Variants in PTPRN2 observed in about 807,000 individuals in gnomAD.
PTPRN2 encodes protein tyrosine phosphatase receptor type N2, also known as receptor-type tyrosine-protein phosphatase N2.
In PTPRN2, 74 loss-of-function variants were observed where a neutral mutation model predicts 118.8. The ratio of observed to expected loss-of-function variants is 0.62; its 90% confidence interval spans 0.52 to 0.76. The LOEUF is 0.76. Ranked by LOEUF, PTPRN2 falls within the 30% of genes least tolerant of loss-of-function variation. PTPRN2 has a pLI of 0.00. For missense variants in PTPRN2, 1,481 were observed against 1,394.4 expected, an observed-to-expected ratio of 1.06 and a Z score of -0.99; for synonymous variants, 641 against 608.0, an observed-to-expected ratio of 1.05 and a Z score of -0.80.
Position 158,143,491 on chromosome 7 carries a change from C to A in PTPRN2, c.911-4976G>T, listed in dbSNP as rs1297608057. On this transcript the variant is annotated intron_variant, in intron 6 of 22. Transcript: ENST00000389418. ...TAGCCAAGATGTGTGTCAGAGTCGG[C>A]CCGGCCATAGCTCACGGTGGACACC... is the stretch of plus-strand genomic sequence containing the variant. Among the ~76,000 whole-genome samples the A allele has an allele frequency of 3.9e-5, 6 of 152,182 alleles. No homozygotes were observed. In the South Asian group the frequency reaches 8.3e-4, roughly 21 times the overall value.
At chr7:157,580,471 CG>C (rs1800290810) in intron 17 of PTPRN2, among the ~76,000 whole-genome samples, 1 of 149,970 alleles carries the variant, frequency 6.7e-6, no homozygotes, top group African/African-American at 2.5e-5. Context: ...ACCTGCACAC[CG>C]CAGCACCTGC....
intron 2 of PTPRN2, among the ~76,000 whole-genome samples, chr7:158,358,539 GAC>G (rs1157010137): frequency 6.6e-6 from 1 of 152,246 alleles, no homozygotes; most frequent in Non-Finnish European, 1.5e-5. Context: ...ACAGAAGCCA[GAC>G]ACAGAAACAA....
chr7:158,034,503 C>T (rs1392956890), intron 11 of PTPRN2, among the ~76,000 whole-genome samples: 1 of 152,162 alleles, frequency 6.6e-6, no homozygotes, highest in Non-Finnish European at 1.5e-5. Flanking sequence ...TGCCTGCTGC[C>T]ATCCATGTAA....
intron 14 of PTPRN2, among the ~76,000 whole-genome samples, chr7:157,653,214 G>A (rs936553197): frequency 6.6e-6 from 1 of 152,190 alleles, no homozygotes. Flanking sequence ...CGGATCGTGG[G>A]GTTCAGATGC....
chr7:158,383,188 G>A (rs559439061), intron 2 of PTPRN2, among the ~76,000 whole-genome samples: 74 of 152,276 alleles, frequency 4.9e-4, no homozygotes, highest in African/African-American at 1.7e-3. Flanking sequence ...CACACCTCAT[G>A]CAGAACTCTT....
In PTPRN2 at chr7:158,485,612, C is replaced by T. The variant is rs1360496436; in HGVS notation, c.163+4123G>A. On this transcript the variant is annotated intron_variant, in intron 2 of 22. Coordinates refer to ENST00000389418, the MANE Select transcript of PTPRN2 (RefSeq NM_002847.5). ...TGCTCGGCCACCCCTCTCTGCGCCC[C>T]GCCTGCTCGGCCACCCCTCTCTGCA... 4.9e-5 allele frequency among the ~76,000 whole-genome samples: 6 copies of T among 123,424 alleles called. 1 individual carries two copies. Among genetic ancestry groups the T allele is most frequent in the African/African-American group, 8.7e-5 (3 of 34,400 alleles). 81.0% of individuals were successfully genotyped at this position (123,424 alleles called of 152,430 possible).
At chr7:158,118,399 T>G (rs968808667) in intron 9 of PTPRN2, among the ~76,000 whole-genome samples, 2 of 152,136 alleles carry the variant, frequency 1.3e-5, no homozygotes, top group South Asian at 4.1e-4. Flanking sequence ...AGCTACATAA[T>G]ACGTACAAAA....
chr7:158,424,460 C>A (rs1228761245), intron 2 of PTPRN2, among the ~76,000 whole-genome samples: 3 of 152,074 alleles, frequency 2.0e-5, no homozygotes, highest in Non-Finnish European at 4.4e-5. Context: ...AAAACAGGGA[C>A]AACGTCTGTG....
rs370201384 is a variant in PTPRN2 at position 158,232,421 on chromosome 7, C to CA, written c.278-27149dup. On this transcript the variant is annotated intron_variant, in intron 3 of 22. Coordinates refer to ENST00000389418, the MANE Select transcript of PTPRN2 (RefSeq NM_002847.5). ...GAAGAAATAGAAAACTTCAACAAAC[C>CA]AATAACAAGTAATTAGATCAAAGCC... 5.6e-3 allele frequency among the ~76,000 whole-genome samples: 850 copies of CA among 152,016 alleles called. 4 individuals are homozygous for CA. The highest frequency in any genetic ancestry group is 0.019 in the African/African-American group (795 of 41,496).
intron 12 of PTPRN2, among the ~76,000 whole-genome samples, chr7:157,694,173 T>A (rs1348118795): frequency 6.6e-6 from 1 of 152,262 alleles, no homozygotes; most frequent in East Asian, 1.9e-4. Flanking sequence ...ACCGCATTCC[T>A]GATTTGATCT....
chr7:157,942,038 G>A (rs554833305), intron 11 of PTPRN2, among the ~76,000 whole-genome samples: 2 of 147,464 alleles, frequency 1.4e-5, no homozygotes, highest in South Asian at 4.3e-4. Flanking sequence ...GGGGGTCCTC[G>A]GCCCACCCTC....
At chr7:158,337,169 C>T (rs1288805738) in intron 2 of PTPRN2, among the ~76,000 whole-genome samples, 2 of 152,220 alleles carry the variant, frequency 1.3e-5, no homozygotes, top group South Asian at 4.1e-4. Context: ...GTGACACCTG[C>T]AGACGTCACT....
intron 3 of PTPRN2, among the ~76,000 whole-genome samples, chr7:158,262,352 C>T (rs542804496): frequency 7.2e-6 from 1 of 138,052 alleles, no homozygotes; most frequent in African/African-American, 2.9e-5. Context: ...TATTCACACA[C>T]ACTGCAAACA....
intron 11 of PTPRN2, among the ~76,000 whole-genome samples, chr7:157,933,940 G>T (rs868300432): frequency 2.2e-4 from 34 of 152,206 alleles, no homozygotes; most frequent in Middle Eastern, 3.4e-3. Context: ...CACTCTAAAT[G>T]ACATTTTTAG....
At chr7:158,036,202 C>A (rs911199154) in intron 11 of PTPRN2, among the ~76,000 whole-genome samples, 4 of 152,050 alleles carry the variant, frequency 2.6e-5, no homozygotes, top group Admixed American at 2.0e-4. Flanking sequence ...CAACGCACAA[C>A]AGAAACGTAA....
At chr7:158,492,999 G>A (rs1458468058) in intron 1 of PTPRN2, among the ~76,000 whole-genome samples, 2 of 152,216 alleles carry the variant, frequency 1.3e-5, no homozygotes, top group Admixed American at 1.3e-4. Flanking sequence ...AGCGGCCTGT[G>A]GGGCCCTTAA....
chr7:157,783,684 G>A (rs1195976560), intron 12 of PTPRN2, among the ~76,000 whole-genome samples: 1 of 151,758 alleles, frequency 6.6e-6, no homozygotes, highest in East Asian at 1.9e-4. Context: ...AAGACGCCCT[G>A]GCAGGAAGGC....
intron 21 of PTPRN2, among the ~76,000 whole-genome samples, chr7:157,552,156 C>T (rs1215329767): frequency 6.6e-6 from 1 of 152,144 alleles, no homozygotes; most frequent in African/African-American, 2.4e-5. Context: ...ACCGTGTACC[C>T]CACGGCCACC....
At chr7:158,481,202 A>T (rs1471370695) in intron 2 of PTPRN2, among the ~76,000 whole-genome samples, 2 of 152,248 alleles carry the variant, frequency 1.3e-5, no homozygotes, top group Non-Finnish European at 2.9e-5. Context: ...TGCTAAATCT[A>T]TGGCTGCCTG....
Sources: gnomAD v4.1 joint callset for allele counts (sites outside exome capture counted in the v4.1 genomes callset) on GRCh38, gnomAD v4.1.1 for gene constraint, MANE v1.5 for transcripts, NCBI Gene and HGNC (gene_info 2026-07-23, HGNC 2026-07-21) for gene names.